Variants in TNIK observed in about 807,000 individuals in gnomAD.
TNIK encodes the protein TRAF2 and NCK-interacting protein kinase.
In TNIK, 49 loss-of-function variants were observed where a neutral mutation model predicts 191.3. That is an observed-to-expected ratio of 0.26 (90% CI 0.20 to 0.32). The LOEUF is 0.32. Among genes scored for constraint, TNIK ranks in the 10% least tolerant of loss-of-function variants. The pLI is 1.00. For synonymous variants in TNIK, 594 were observed against 600.9 expected (o/e 0.99, Z 0.17); for missense variants, 1,155 against 1,702.3 (o/e 0.68, Z 5.66).
At chr3:171,154,156 G>A (rs1732845614) in intron 12 of TNIK, among the ~76,000 whole-genome samples, 1 of 131,516 alleles carries the variant, frequency 7.6e-6, no homozygotes, top group African/African-American at 2.6e-5. Context: ...ACAATAAAAA[G>A]TTAGAGGCTT....
At chr3:171,454,554 G>A (rs1728579977) in intron 1 of TNIK, among the ~76,000 whole-genome samples, 1 of 152,072 alleles carries the variant, frequency 6.6e-6, no homozygotes, top group African/African-American at 2.4e-5. Flanking sequence ...AATGAATAAT[G>A]AAAATGATTA....
At chr3:171,076,278 G>C (rs1451321940) in intron 28 of TNIK, among the ~76,000 whole-genome samples, 3 of 152,162 alleles carry the variant, frequency 2.0e-5, no homozygotes, top group Non-Finnish European at 4.4e-5. Context: ...AGAAAAGGCA[G>C]GTGGAGACTC....
At chr3:171,401,992 CAATT>C (rs1560026203) in intron 1 of TNIK, among the ~76,000 whole-genome samples, 2 of 152,178 alleles carry the variant, frequency 1.3e-5, no homozygotes. Flanking sequence ...AGTTGCTTCT[CAATT>C]AACAGAGGAA....
intron 10 of TNIK, 72 bp downstream of exon 10, chr3:171,167,023 C>T (rs1036485170): frequency 6.6e-7 from 1 of 1,525,056 alleles, no homozygotes; most frequent in African/African-American, 1.4e-5. Flanking sequence ...ATAGTCACCT[C>T]CAAATACATC....
At chr3:171,195,500 T>C (rs1353621352) in intron 4 of TNIK, among the ~76,000 whole-genome samples, 1 of 152,122 alleles carries the variant, frequency 6.6e-6, no homozygotes, top group Non-Finnish European at 1.5e-5. Flanking sequence ...GAGACAGAAC[T>C]AAAATGGAGC....
chr3:171,417,049 A>C (rs1723176380), intron 1 of TNIK, among the ~76,000 whole-genome samples: 1 of 152,192 alleles, frequency 6.6e-6, no homozygotes, highest in African/African-American at 2.4e-5. Context: ...TATTTGCTTC[A>C]ATTTTTAAAT....
Position 171,091,934 on chromosome 3 carries a change from TTTTC to T in TNIK, c.2721+1901_2721+1904del, listed in dbSNP as rs144018156. ...TCCTATAAGACACTGGCAAATGCTA[TTTTC>T]TTTCTTTCTTTCTTTCTTTTTTTTT... On this transcript the variant is annotated intron_variant, in intron 23 of 32. Coordinates refer to ENST00000436636, the MANE Select transcript of TNIK (RefSeq NM_015028.4). Among the ~76,000 whole-genome samples the T allele has an allele frequency of 4.2e-4, 63 of 148,618 alleles. 1 individual carries two copies. In the East Asian group the frequency reaches 6.4e-3, roughly 15 times the overall value.
chr3:171,198,739 A>G (rs1739032003), intron 4 of TNIK, among the ~76,000 whole-genome samples: 1 of 152,192 alleles, frequency 6.6e-6, no homozygotes, highest in African/African-American at 2.4e-5. Context: ...TCTCCACAAT[A>G]CAAAGTTAAA....
chr3:171,157,114 A>G (rs1733286584), intron 12 of TNIK, among the ~76,000 whole-genome samples: 1 of 152,200 alleles, frequency 6.6e-6, no homozygotes, highest in Non-Finnish European at 1.5e-5. Context: ...TGAAGGTGCT[A>G]AGGGCTGTGT....
At chr3:171,190,458 C>A (rs1436536864) in intron 6 of TNIK, among the ~76,000 whole-genome samples, 1 of 152,120 alleles carries the variant, frequency 6.6e-6, no homozygotes, top group Non-Finnish European at 1.5e-5. Context: ...ACAAAAAAAT[C>A]TCAATTATTT....
intron 1 of TNIK, among the ~76,000 whole-genome samples, chr3:171,410,349 C>T (rs546100113): frequency 2.1e-4 from 32 of 152,212 alleles, no homozygotes; most frequent in African/African-American, 7.5e-4. Flanking sequence ...CCTGAGAAGG[C>T]TGGCTGACAC....
intron 1 of TNIK, among the ~76,000 whole-genome samples, chr3:171,376,556 G>T (rs151024510): frequency 1.3e-5 from 2 of 151,968 alleles, no homozygotes; most frequent in African/African-American, 2.4e-5. Flanking sequence ...CTTACTACAC[G>T]TACATAGTGA....
At chr3:171,223,294 C>T (rs7374644) in intron 3 of TNIK, among the ~76,000 whole-genome samples, 40,914 of 151,944 alleles carry the variant, frequency 0.27, 5,930 homozygotes, top group Middle Eastern at 0.43. Flanking sequence ...TTACAAGTAA[C>T]GTTATTTACA....
At chr3:171,411,627 C>A (rs912738794) in intron 1 of TNIK, among the ~76,000 whole-genome samples, 11 of 152,114 alleles carry the variant, frequency 7.2e-5, no homozygotes, top group Non-Finnish European at 1.3e-4. Context: ...ATTATGCAGT[C>A]CTGGACATAC....
chr3:171,345,330 C>T (rs1018204772), intron 2 of TNIK, among the ~76,000 whole-genome samples: 1 of 152,124 alleles, frequency 6.6e-6, no homozygotes, highest in African/African-American at 2.4e-5. Flanking sequence ...CAGTCTCTTC[C>T]TTTGTTATAT....
At chr3:171,301,201 C>T (rs1393899357) in intron 2 of TNIK, among the ~76,000 whole-genome samples, 8 of 151,890 alleles carry the variant, frequency 5.3e-5, no homozygotes, top group African/African-American at 1.9e-4. Flanking sequence ...ATAAGCATTG[C>T]CTACATGGTG....
intron 15 of TNIK, among the ~76,000 whole-genome samples, chr3:171,130,192 A>AT (rs1301258219): frequency 6.6e-6 from 1 of 152,158 alleles, no homozygotes; most frequent in Non-Finnish European, 1.5e-5. Context: ...CATCCTCCCT[A>AT]TCCCATTTTG....
intron 2 of TNIK, among the ~76,000 whole-genome samples, chr3:171,272,905 C>T (rs1054315533): frequency 6.6e-6 from 1 of 152,158 alleles, no homozygotes; most frequent in Non-Finnish European, 1.5e-5. Context: ...TGATTGTACC[C>T]TTATGGCCAC....
At chr3:171,123,911 T>C (rs1728124117) in intron 17 of TNIK, among the ~76,000 whole-genome samples, 1 of 152,170 alleles carries the variant, frequency 6.6e-6, no homozygotes. Flanking sequence ...TGAGCAAATT[T>C]GGGAACCATT....
Sources: allele counts gnomAD v4.1 joint callset (sites outside exome capture counted in the v4.1 genomes callset), GRCh38; gene constraint gnomAD v4.1.1; transcripts MANE v1.5; gene names NCBI Gene and HGNC (gene_info 2026-07-23, HGNC 2026-07-21).